SEPTIN14: variants seen among roughly 807,000 people sequenced by gnomAD.
SEPTIN14 encodes the protein septin 14, also known as septin-14.
In SEPTIN14, 40 loss-of-function variants were observed where a neutral mutation model predicts 53.6. The ratio of observed to expected loss-of-function variants is 0.75; its 90% confidence interval spans 0.58 to 0.97. The LOEUF is 0.97. SEPTIN14 is among the 50% of genes least tolerant of loss of function. The pLI is 0.00. For missense variants in SEPTIN14, 471 were observed against 508.2 expected (o/e 0.93, Z 0.70); for synonymous variants, 138 against 166.8 (o/e 0.83, Z 1.33).
At chr7:55,849,856 A>G (rs1789489233) in intron 2 of SEPTIN14, among the ~76,000 whole-genome samples, 1 of 152,224 alleles carries the variant, frequency 6.6e-6, no homozygotes, top group African/African-American at 2.4e-5. Context: ...GACTACTGTG[A>G]ACACATTGAT....
At chr7:55,835,054 A>G (rs1434648361) in intron 5 of SEPTIN14, among the ~76,000 whole-genome samples, 1 of 152,132 alleles carries the variant, frequency 6.6e-6, no homozygotes, top group African/African-American at 2.4e-5. Flanking sequence ...AAAATTATCA[A>G]TACTTTTGAA....
Position 55,794,629 on chromosome 7 carries a change from A to T in SEPTIN14, c.*1284T>A, listed in dbSNP as rs771042541. ...TGTAAGATGATTTAACAATATGTAT[A>T]AAAGTCATTGTGGGTCAGGCACAGT... On this transcript the variant is annotated 3_prime_UTR_variant, in exon 10 of 10. Coordinates refer to ENST00000388975, the MANE Select transcript of SEPTIN14 (RefSeq NM_207366.3). 1 of 152,200 alleles carries T rather than the reference A, an allele frequency of 6.6e-6. No individual in the cohort carries two copies. The highest frequency in any genetic ancestry group is 1.5e-5 in the Non-Finnish European group (1 of 68,042). The allele number at this position is 152,200 out of a possible 1,614,324, so 9.4% of individuals were successfully genotyped here.
intron 4 of SEPTIN14, among the ~76,000 whole-genome samples, 162 bp from the exon 5 acceptor site, chr7:55,843,290 A>C (rs968409753): frequency 1.3e-5 from 2 of 152,222 alleles, no homozygotes; most frequent in Admixed American, 1.3e-4. Flanking sequence ...TAAACCAATA[A>C]TAAGGCTCAT....
chr7:55,830,763 T>C (rs1789095249), intron 6 of SEPTIN14, among the ~76,000 whole-genome samples: 1 of 151,744 alleles, frequency 6.6e-6, no homozygotes, highest in Admixed American at 6.6e-5. Flanking sequence ...CTCCTAAGAC[T>C]AAACCAGGAA....
intron 3 of SEPTIN14, among the ~76,000 whole-genome samples, chr7:55,846,070 T>TATATATATATATATATATAC (rs1789400310): frequency 2.0e-5 from 2 of 101,106 alleles, no homozygotes; most frequent in African/African-American, 6.6e-5. Context: ...AAAAAGTATA[T>TATATATATATATATATATAC]ATATATATAT....
At chr7:55,809,638 C>G (rs909155604) in intron 7 of SEPTIN14, among the ~76,000 whole-genome samples, 2 of 150,772 alleles carry the variant, frequency 1.3e-5, no homozygotes, top group African/African-American at 4.9e-5. Context: ...ATTACAGACT[C>G]AAGCCACTGC....
At chr7:55,827,925 A>C (rs911810710) in intron 6 of SEPTIN14, among the ~76,000 whole-genome samples, 1 of 152,192 alleles carries the variant, frequency 6.6e-6, no homozygotes, top group African/African-American at 2.4e-5. Context: ...TACACCCACA[A>C]GGAGGAAAAA....
At chr7:55,833,830 G>A (rs1789157163) in intron 6 of SEPTIN14, among the ~76,000 whole-genome samples, 1 of 152,012 alleles carries the variant, frequency 6.6e-6, no homozygotes, top group Non-Finnish European at 1.5e-5. Flanking sequence ...AATAAAATAA[G>A]AAATGAAAGA....
chr7:55,843,609 G>T (rs1789353088), intron 4 of SEPTIN14, among the ~76,000 whole-genome samples: 1 of 152,174 alleles, frequency 6.6e-6, no homozygotes, highest in African/African-American at 2.4e-5. Context: ...CAAGGTGGGT[G>T]GATCACGAGG....
At chr7:55,804,565 T>G (rs1788584209) in intron 9 of SEPTIN14, among the ~76,000 whole-genome samples, 1 of 152,102 alleles carries the variant, frequency 6.6e-6, no homozygotes, top group Admixed American at 6.6e-5. Context: ...GGCTGGAATT[T>G]TTATTACTTA....
intron 2 of SEPTIN14, among the ~76,000 whole-genome samples, chr7:55,852,849 C>A (rs1165659178): frequency 6.6e-6 from 1 of 152,114 alleles, no homozygotes; most frequent in Non-Finnish European, 1.5e-5. Context: ...AGGAAAAAAT[C>A]TAATAATCCA....
intron 6 of SEPTIN14, among the ~76,000 whole-genome samples, chr7:55,822,744 C>T (rs745323291): frequency 5.3e-5 from 8 of 151,252 alleles, no homozygotes; most frequent in Non-Finnish European, 1.0e-4. Flanking sequence ...ACAAAATTAA[C>T]TCAAATTGGA....
chr7:55,862,117 CT>C, intron 1 of SEPTIN14, 106 bp from the exon 2 acceptor site: 1 of 683,356 alleles, frequency 1.5e-6, no homozygotes, highest in Non-Finnish European at 2.4e-6. Context: ...TTTTTGCAAG[CT>C]TTAGTTTTTA....
chr7:55,835,878 G>C (rs986302509), intron 5 of SEPTIN14, among the ~76,000 whole-genome samples: 1 of 152,058 alleles, frequency 6.6e-6, no homozygotes, highest in Non-Finnish European at 1.5e-5. Flanking sequence ...GAGTAGCTGG[G>C]ATTACAGGTG....
At chr7:55,818,363 T>A (rs1386400825) in intron 7 of SEPTIN14, among the ~76,000 whole-genome samples, 1 of 148,480 alleles carries the variant, frequency 6.7e-6, no homozygotes, top group Admixed American at 6.8e-5. Context: ...TCCCAGCTAC[T>A]CGGAAGGCTT....
At position 55,795,448 on chromosome 7, in the gene SEPTIN14, T is replaced by G. The variant is rs1788414159; in HGVS notation, c.*465A>C. The stretch of plus-strand genomic sequence containing the variant: ...GAAAAGAGGGACACAGGATCTGCCT[T>G]CTGGGAGTTCATACTTTTTTTTTTT... On this transcript the variant is annotated 3_prime_UTR_variant, in exon 10 of 10. Transcript: ENST00000388975. The G allele has an allele frequency of 6.2e-6, 1 of 162,064 alleles. No individual in the cohort carries two copies. Among genetic ancestry groups the G allele is most frequent in the Admixed American group, 6.0e-5 (1 of 16,672 alleles). 10.0% of individuals were successfully genotyped at this position (162,064 alleles called of 1,614,324 possible).
rs1788419161 is a variant in SEPTIN14 at position 55,795,660 on chromosome 7, G to T, written c.*253C>A. 2.3e-6 allele frequency: 1 copy of T among 432,864 alleles called. No individual in the cohort carries two copies. The highest frequency in any genetic ancestry group is 5.1e-5 in the East Asian group (1 of 19,576). The allele number at this position is 432,864 out of a possible 1,614,324, so 26.8% of individuals were successfully genotyped here. A position where few individuals can be genotyped will look rare whatever the true frequency, so the allele number is the denominator to read the frequency against. On this transcript the variant is annotated 3_prime_UTR_variant, in exon 10 of 10. Transcript: ENST00000388975. The stretch of plus-strand genomic sequence containing the variant: ...TTTTTGTATTTTTAGTAGAGGCAGG[G>T]TTTCATCATTTTGGTCAGGCTGGTT...
At chr7:55,825,399 G>A (rs1450160516) in intron 6 of SEPTIN14, among the ~76,000 whole-genome samples, 1 of 152,212 alleles carries the variant, frequency 6.6e-6, no homozygotes, top group East Asian at 1.9e-4. Context: ...TGAAACTATG[G>A]TGAATGTTAC....
chr7:55,812,202 C>G (rs1788715635), intron 7 of SEPTIN14, among the ~76,000 whole-genome samples: 1 of 152,112 alleles, frequency 6.6e-6, no homozygotes, highest in Non-Finnish European at 1.5e-5. Flanking sequence ...TGGAAGCAAT[C>G]TAATCTAAAT....
Sources: allele counts gnomAD v4.1 joint callset (sites outside exome capture counted in the v4.1 genomes callset), GRCh38; gene constraint gnomAD v4.1.1; transcripts MANE v1.5; gene names NCBI Gene and HGNC (gene_info 2026-07-23, HGNC 2026-07-21).